CCDC138: variants seen among roughly 807,000 people sequenced by gnomAD.
CCDC138 encodes the protein coiled-coil domain containing 138, also known as coiled-coil domain-containing protein 138.
A neutral mutation model predicts 82.3 loss-of-function variants in CCDC138; 66 were observed. The ratio of observed to expected loss-of-function variants is 0.80; its 90% confidence interval spans 0.66 to 0.98. The LOEUF is 0.98. Among genes scored for constraint, CCDC138 ranks in the 50% least tolerant of loss-of-function variants. The probability of loss-of-function intolerance (pLI) is 0.00; values close to 1 mark genes in which losing one functional copy is unlikely to be tolerated. For synonymous variants in CCDC138, 297 were observed against 265.4 expected, an observed-to-expected ratio of 1.12 and a Z score of -1.16; for missense variants, 816 against 758.9, an observed-to-expected ratio of 1.08 and a Z score of -0.88.
At chr2:108,877,093 A>G (rs1696070555), downstream of CCDC138, among the ~76,000 whole-genome samples, 1 of 152,206 alleles carries the variant, frequency 6.6e-6, no homozygotes, top group South Asian at 2.1e-4. Flanking sequence ...AATACCAGAA[A>G]ATGTGCCATT....
chr2:108,815,344 A>C (rs1684575881), intron 9 of CCDC138, among the ~76,000 whole-genome samples: 1 of 151,988 alleles, frequency 6.6e-6, no homozygotes, highest in Non-Finnish European at 1.5e-5. Flanking sequence ...AATTTTTATG[A>C]AAAGTTTTCT....
chr2:108,805,074 A>G, intron 7 of CCDC138, 66 bp downstream of exon 7: 1 of 901,400 alleles, frequency 1.1e-6, no homozygotes, highest in Non-Finnish European at 1.5e-6. Flanking sequence ...TATATAACAA[A>G]TTAAAGTCAG....
chr2:108,820,308 T>C (rs1685462557), intron 10 of CCDC138, among the ~76,000 whole-genome samples: 1 of 152,044 alleles, frequency 6.6e-6, no homozygotes, highest in African/African-American at 2.4e-5. Context: ...CGAAGAAAAG[T>C]GACGACAGTC....
intron 9 of CCDC138, among the ~76,000 whole-genome samples, chr2:108,813,448 A>G (rs1021366470): frequency 2.6e-5 from 4 of 152,090 alleles, no homozygotes; most frequent in African/African-American, 9.7e-5. Flanking sequence ...TGAAAACAAA[A>G]CTATTATATT....
intron 5 of CCDC138, among the ~76,000 whole-genome samples, chr2:108,797,962 ATTT>A (rs11289218): frequency 7.1e-6 from 1 of 141,232 alleles, no homozygotes. Flanking sequence ...ACGGTGTGTG[ATTT>A]TTTTTTTTTT....
intron 10 of CCDC138, among the ~76,000 whole-genome samples, chr2:108,824,662 A>C (rs1046126990): frequency 6.6e-6 from 1 of 152,224 alleles, no homozygotes; most frequent in African/African-American, 2.4e-5. Flanking sequence ...AGTGTAGCAA[A>C]TATGTAACCA....
At chr2:108,825,453 G>C (rs1325015413) in intron 10 of CCDC138, among the ~76,000 whole-genome samples, 1 of 151,368 alleles carries the variant, frequency 6.6e-6, no homozygotes, top group Non-Finnish European at 1.5e-5. Context: ...CAACCCATTA[G>C]CAGTTGCCCA....
chr2:108,827,115 A>T (rs1686748371), intron 10 of CCDC138, among the ~76,000 whole-genome samples: 1 of 152,312 alleles, frequency 6.6e-6, no homozygotes, highest in Non-Finnish European at 1.5e-5. Context: ...CACCTCTATT[A>T]TTTAACATTA....
intron 13 of CCDC138, among the ~76,000 whole-genome samples, chr2:108,863,255 T>G (rs775977007): frequency 1.3e-4 from 20 of 152,224 alleles, no homozygotes; most frequent in Admixed American, 9.8e-4. Flanking sequence ...ATAGATGCAA[T>G]ATTTCTAACA....
Position 108,873,496 on chromosome 2 carries a change from T to C in CCDC138, c.1739T>C (p.Phe580Ser). 6.2e-7 allele frequency: 1 copy of C among 1,608,754 alleles called. No homozygotes were observed. The highest frequency in any genetic ancestry group is 8.5e-7 in the Non-Finnish European group (1 of 1,177,710). The change falls in exon 14 of 15, where the codon TTT (phenylalanine) becomes TCT (serine). Residue 580 changes from phenylalanine (F) to serine (S), a missense_variant. Phe to Ser is a radical substitution (Grantham distance 155, BLOSUM62 -2). Coordinates refer to ENST00000295124, the MANE Select transcript of CCDC138 (RefSeq NM_144978.3). ...FLEACSNSLFFRTCSVLLRAP... is the reference protein window; with the variant it reads ...FLEACSNSLFSRTCSVLLRAP... Reference sequence around the variant, plus strand: ...GAAGCCTGTAGCAACTCTTTATTTTTTCGTACTTGCTCTGTGCTGCTTCGA... The same window carrying C: ...GAAGCCTGTAGCAACTCTTTATTTTCTCGTACTTGCTCTGTGCTGCTTCGA...
intron 12 of CCDC138, among the ~76,000 whole-genome samples, chr2:108,849,529 GAC>G (rs1691077518): frequency 1.3e-5 from 2 of 152,086 alleles, no homozygotes; most frequent in African/African-American, 2.4e-5. Flanking sequence ...CTAGACCACA[GAC>G]AGGCCCTGAC....
At position 108,794,649 on chromosome 2, in the gene CCDC138, C is replaced by CA; in HGVS notation, c.506dup (p.Arg170AlafsTer13). The CA allele has an allele frequency of 6.2e-7, 1 of 1,614,066 alleles. No individual in the cohort carries two copies. Among genetic ancestry groups the CA allele is most frequent in the Middle Eastern group, 1.6e-4 (1 of 6,062 alleles). ...GCTGTCCAAAATCTAAAGCATCAGACAAGCGGAGTTTACTTCCACATCAGA... is the reference window on the plus strand; with the variant it reads ...GCTGTCCAAAATCTAAAGCATCAGACAAAGCGGAGTTTACTTCCACATCAGA... On this transcript the variant is annotated frameshift_variant, in exon 5 of 15. Coordinates refer to ENST00000295124, the MANE Select transcript of CCDC138 (RefSeq NM_144978.3). LOFTEE classifies it high-confidence loss of function.
chr2:108,849,952 AC>A (rs1233195800), intron 12 of CCDC138, among the ~76,000 whole-genome samples: 3 of 152,196 alleles, frequency 2.0e-5, no homozygotes, highest in African/African-American at 4.8e-5. Flanking sequence ...TGCACACAAG[AC>A]CTGGGGCTAG....
chr2:108,852,470 T>C (rs1485393161), intron 12 of CCDC138, among the ~76,000 whole-genome samples: 2 of 152,250 alleles, frequency 1.3e-5, no homozygotes, highest in African/African-American at 4.8e-5. Context: ...ATTGCAGCAC[T>C]GTTCACAATA....
At chr2:108,811,734 C>G (rs1367704200) in intron 7 of CCDC138, among the ~76,000 whole-genome samples, 1 of 151,850 alleles carries the variant, frequency 6.6e-6, no homozygotes, top group Non-Finnish European at 1.5e-5. Flanking sequence ...AACATTGTAC[C>G]CAGTAGGTTA....
At chr2:108,811,245 CTCTTT>C (rs1443569219) in intron 7 of CCDC138, among the ~76,000 whole-genome samples, 1 of 109,628 alleles carries the variant, frequency 9.1e-6, no homozygotes, top group African/African-American at 4.2e-5. Flanking sequence ...CTTTCTCTCT[CTCTTT>C]TTTTTTTTTT....
rs756010332 is a variant in CCDC138, at chr2:108,816,121, T to G, written c.1206+16T>G. ...GTGTGTAAAGGTTTGTTTTTTAATT[T>G]GAAATATGTGATTCAGAATATATGA... is the stretch of plus-strand genomic sequence containing the variant. On this transcript the variant is annotated intron_variant, in intron 10 of 14. Transcript: ENST00000295124. 254 of 1,553,984 alleles carry G rather than the reference T, an allele frequency of 1.6e-4. No individual in the cohort carries two copies. The highest frequency in any genetic ancestry group is 2.2e-4 in the Non-Finnish European group (247 of 1,135,106).
Position 108,873,300 on chromosome 2 carries a change from GA to G in CCDC138, c.1694-150del. On this transcript the variant is annotated intron_variant, in intron 13 of 14. Transcript: ENST00000295124. Reference sequence around the variant, plus strand: ...CAGTGGATGTTTTAATTTTTCAAATGATGATATTTTCACTCAAAAATTTAAG... The same window carrying G: ...CAGTGGATGTTTTAATTTTTCAAATGTGATATTTTCACTCAAAAATTTAAG... 5.2e-5 allele frequency: 2 copies of G among 38,750 alleles called. 1 individual carries two copies. The highest frequency in any genetic ancestry group is 1.7e-4 in the Non-Finnish European group (2 of 12,024). 2.4% of individuals were successfully genotyped at this position (38,750 alleles called of 1,614,324 possible). A position where few individuals can be genotyped will look rare whatever the true frequency, so the allele number is the denominator to read the frequency against.
chr2:108,846,822 C>T lies in CCDC138; in HGVS notation c.1408C>T (p.Pro470Ser). The T allele has an allele frequency of 6.2e-7, 1 of 1,612,834 alleles. No homozygotes were observed. Residue 470 changes from proline (P) to serine (S), a missense_variant, in exon 12 of 15, where the codon CCA (proline) becomes TCA (serine). Coordinates refer to ENST00000295124, the MANE Select transcript of CCDC138 (RefSeq NM_144978.3). ...AACTAAAGGAATTCAGGATAATTCT[C>T]CACAGCATTCTGTGGAGAATAAACC... Reference protein sequence around the residue: ...VVTKGIQDNSPQHSVENKPKT... With the variant: ...VVTKGIQDNSSQHSVENKPKT...
Sources: gnomAD v4.1 joint callset for allele counts (sites outside exome capture counted in the v4.1 genomes callset) on GRCh38, gnomAD v4.1.1 for gene constraint, MANE v1.5 for transcripts, NCBI Gene and HGNC (gene_info 2026-07-23, HGNC 2026-07-21) for gene names.